SLC6A20: variants seen among roughly 807,000 people sequenced by gnomAD.
SLC6A20 encodes the protein sodium- and chloride-dependent transporter XTRP3.
Under a neutral mutation model 64.3 loss-of-function variants are expected in SLC6A20, and 73 were observed. The ratio of observed to expected loss-of-function variants is 1.14; its 90% CI spans 0.94 to 1.38. SLC6A20 has a LOEUF of 1.38. SLC6A20 is among the 40% of genes most tolerant of loss of function. SLC6A20 has a pLI of 0.00. For synonymous variants in SLC6A20, 347 were observed against 329.6 expected (o/e 1.05, Z -0.57); for missense variants, 725 against 772.8 (o/e 0.94, Z 0.73).
intron 1 of SLC6A20, among the ~76,000 whole-genome samples, chr3:45,788,671 T>C (rs1700205421): frequency 6.6e-6 from 1 of 152,220 alleles, no homozygotes; most frequent in Admixed American, 6.5e-5. Flanking sequence ...AGAGTTCTCC[T>C]TTGCAGAAAT....
At chr3:45,780,195 C>G in intron 2 of SLC6A20, 95 bp from the exon 3 acceptor site, 2 of 1,254,404 alleles carry the variant, frequency 1.6e-6, no homozygotes, top group South Asian at 2.7e-5. Context: ...CTGTGGCGAC[C>G]GCCCCGGGGT....
chr3:45,785,613 T>TTCTCTCTCTC lies in SLC6A20; in HGVS notation c.122-3400_122-3391dup, dbSNP rs60563353. On this transcript the variant is annotated intron_variant, in intron 1 of 10. Coordinates refer to ENST00000358525, the MANE Select transcript of SLC6A20 (RefSeq NM_020208.4). ...GAGTTAATACTTAATAAACTCCCCTTTCTCTCTCTCTCTCTCTCTCTCTCT... is the reference window on the plus strand; with the variant it reads ...GAGTTAATACTTAATAAACTCCCCTTTCTCTCTCTCTCTCTCTCTCTCTCTCTCTCTCTCT... Among the ~76,000 whole-genome samples the TTCTCTCTCTC allele has an allele frequency of 8.4e-3, 1,185 of 141,058 alleles. 32 individuals carry two copies. The highest frequency in any genetic ancestry group is 0.021 in the African/African-American group (785 of 36,944). 92.5% of individuals were successfully genotyped at this position (141,058 alleles called of 152,430 possible). A position where few individuals can be genotyped will look rare whatever the true frequency, so the allele number is the denominator to read the frequency against.
In SLC6A20 at chr3:45,758,934, T is replaced by C; in HGVS notation, c.*44A>G. On this transcript the variant is annotated 3_prime_UTR_variant, in exon 11 of 11. Transcript: ENST00000358525. ...AAAGCAGCCGAGGAGTTTCCGCCTG[T>C]AAATAGTATCTGTAAAACCGTGAGC... 6.5e-7 allele frequency: 1 copy of C among 1,546,360 alleles called. No homozygotes were observed. The highest frequency in any genetic ancestry group is 1.3e-5 in the South Asian group (1 of 79,728).
At chr3:45,790,560 A>AT (rs1700232646) in intron 1 of SLC6A20, 1 of 151,912 alleles carries the variant, frequency 6.6e-6, no homozygotes, top group South Asian at 2.1e-4. Flanking sequence ...GGTGAGAAAA[A>AT]TTAAAGCCGT....
At chr3:45,794,874 C>A (rs1331781617) in intron 1 of SLC6A20, among the ~76,000 whole-genome samples, 1 of 152,182 alleles carries the variant, frequency 6.6e-6, no homozygotes, top group Non-Finnish European at 1.5e-5. Flanking sequence ...CATATGGCAA[C>A]ATATGCCCTT....
intron 1 of SLC6A20, among the ~76,000 whole-genome samples, chr3:45,795,213 T>G (rs1700325629): frequency 6.6e-6 from 1 of 152,222 alleles, no homozygotes; most frequent in Non-Finnish European, 1.5e-5. Flanking sequence ...TGATGTCTTT[T>G]CCCCATTCTT....
chr3:45,783,575 T>C (rs1307906884), intron 1 of SLC6A20, among the ~76,000 whole-genome samples: 2 of 152,256 alleles, frequency 1.3e-5, no homozygotes, highest in African/African-American at 4.8e-5. Flanking sequence ...GTTTCCAGCT[T>C]TCTGCCATCC....
chr3:45,795,115 C>T (rs1239693540), intron 1 of SLC6A20, among the ~76,000 whole-genome samples: 1 of 151,940 alleles, frequency 6.6e-6, no homozygotes, highest in African/African-American at 2.4e-5. Context: ...TTATAGAAGT[C>T]CTAATACACA....
intron 1 of SLC6A20, chr3:45,791,770 C>T (rs1312652438): frequency 1.3e-5 from 2 of 152,300 alleles, no homozygotes; most frequent in African/African-American, 2.4e-5. Flanking sequence ...CTGCTACATA[C>T]TTTTAAATAA....
intron 1 of SLC6A20, among the ~76,000 whole-genome samples, chr3:45,782,694 T>C (rs1700117673): frequency 6.6e-6 from 1 of 152,168 alleles, no homozygotes; most frequent in Non-Finnish European, 1.5e-5. Context: ...CATTCATCTG[T>C]CCATCCTTCC....
At chr3:45,778,394 C>T (rs781690565) in intron 3 of SLC6A20, among the ~76,000 whole-genome samples, 21 of 152,214 alleles carry the variant, frequency 1.4e-4, no homozygotes, top group Non-Finnish European at 2.6e-4. Context: ...TACTATTCCT[C>T]TCATTATTAT....
chr3:45,771,586 C>T, intron 5 of SLC6A20, 128 bp from the exon 6 acceptor site: 4 of 1,459,822 alleles, frequency 2.7e-6, no homozygotes, highest in Non-Finnish European at 3.7e-6. Context: ...AGGGGCACCC[C>T]TAGGGCTGGA....
At chr3:45,770,968 A>G (rs1472819109) in intron 6 of SLC6A20, among the ~76,000 whole-genome samples, 1 of 152,188 alleles carries the variant, frequency 6.6e-6, no homozygotes, top group African/African-American at 2.4e-5. Context: ...GGTAGAAGAA[A>G]CAAAATTTGA....
At chr3:45,782,409 T>C (rs1472369058) in intron 1 of SLC6A20, among the ~76,000 whole-genome samples, 186 bp from the exon 2 acceptor site, 1 of 152,044 alleles carries the variant, frequency 6.6e-6, no homozygotes, top group East Asian at 1.9e-4. Flanking sequence ...CACATTTTCA[T>C]CCATCCCTCT....
intron 7 of SLC6A20, among the ~76,000 whole-genome samples, chr3:45,768,367 T>A (rs1191805087): frequency 1.3e-5 from 2 of 151,468 alleles, no homozygotes; most frequent in African/African-American, 4.8e-5. Context: ...GAAGTCTAGA[T>A]AAATCAATAA....
intron 9 of SLC6A20, among the ~76,000 whole-genome samples, chr3:45,762,176 G>A (rs1208665255): frequency 2.0e-5 from 3 of 152,240 alleles, no homozygotes; most frequent in African/African-American, 7.2e-5. Context: ...GTCCCAACGA[G>A]CGCCTTGTTG....
Position 45,782,074 on chromosome 3 carries a change from C to T in SLC6A20, c.262+9G>A. The T allele has an allele frequency of 6.3e-7, 1 of 1,597,462 alleles. No individual in the cohort carries two copies. Among genetic ancestry groups the T allele is most frequent in the Non-Finnish European group, 8.5e-7 (1 of 1,171,184 alleles). Reference sequence around the variant, plus strand: ...CTGGGTGGGAGAGGACTGGAGGGGCCCCACGTACCGACACCACTGAGGTAC... The same window carrying T: ...CTGGGTGGGAGAGGACTGGAGGGGCTCCACGTACCGACACCACTGAGGTAC... On this transcript the variant is annotated intron_variant, in intron 2 of 10. Transcript: ENST00000358525.
chr3:45,758,504 T>A lies in SLC6A20; in HGVS notation c.*474A>T. ...ACAGAAATTGCATATTCACTACAACTCAAAAAAGAAGAGAATTAATTTTGC... is the reference window on the plus strand; with the variant it reads ...ACAGAAATTGCATATTCACTACAACACAAAAAAGAAGAGAATTAATTTTGC... On this transcript the variant is annotated 3_prime_UTR_variant, in exon 11 of 11. Coordinates refer to ENST00000358525, the MANE Select transcript of SLC6A20 (RefSeq NM_020208.4). 4 of 1,197,568 alleles carry A rather than the reference T, an allele frequency of 3.3e-6. No homozygotes were observed. The highest frequency in any genetic ancestry group is 6.9e-5 in the Admixed American group (2 of 28,878). The allele number at this position is 1,197,568 out of a possible 1,614,324, so 74.2% of individuals were successfully genotyped here. A position where few individuals can be genotyped will look rare whatever the true frequency, so the allele number is the denominator to read the frequency against.
At chr3:45,761,214 A>T (rs1699674306) in intron 9 of SLC6A20, among the ~76,000 whole-genome samples, 1 of 143,138 alleles carries the variant, frequency 7.0e-6, no homozygotes, top group African/African-American at 2.7e-5. Context: ...GTCCCTTCAC[A>T]CCCCCATAAC....
Sources: gnomAD v4.1 joint callset for allele counts (sites outside exome capture counted in the v4.1 genomes callset) on GRCh38, gnomAD v4.1.1 for gene constraint, MANE v1.5 for transcripts, NCBI Gene and HGNC (gene_info 2026-07-23, HGNC 2026-07-21) for gene names.